OOSP3: variants seen among roughly 807,000 people sequenced by gnomAD.
OOSP3 encodes oocyte secreted protein family member 3.
chr11:59,885,733 G>T (rs1853250133), intron 2 of OOSP3, among the ~76,000 whole-genome samples: 1 of 151,962 alleles, frequency 6.6e-6, no homozygotes, highest in African/African-American at 2.4e-5. Flanking sequence ...ATGGGCATTT[G>T]GGTTGGAAGT....
chr11:59,879,406 A>G (rs1291113486), intron 1 of OOSP3, among the ~76,000 whole-genome samples: 2 of 151,950 alleles, frequency 1.3e-5, no homozygotes, highest in African/African-American at 4.8e-5. Context: ...CTTTTTCCAT[A>G]TTTTACAGTA....
chr11:59,881,839 C>G (rs1416142862), intron 2 of OOSP3, among the ~76,000 whole-genome samples: 1 of 152,028 alleles, frequency 6.6e-6, no homozygotes, highest in Non-Finnish European at 1.5e-5. Flanking sequence ...CTACTGCACT[C>G]CAGTCTGGGC....
chr11:59,895,941 C>G (rs765235895), intron 4 of OOSP3, among the ~76,000 whole-genome samples, 192 bp from the exon 5 acceptor site: 2 of 152,184 alleles, frequency 1.3e-5, no homozygotes, highest in Non-Finnish European at 2.9e-5. Flanking sequence ...TGATAAACCA[C>G]TTACTTTAAA....
exon 2 of OOSP3, chr11:59,880,387 C>A (rs930191444): frequency 5.0e-6 from 2 of 398,310 alleles, no homozygotes; most frequent in Non-Finnish European, 8.8e-6. Flanking sequence ...AATGTAACTG[C>A]GAAGGGATAT....
intron 2 of OOSP3, among the ~76,000 whole-genome samples, chr11:59,881,224 A>G (rs965162712): frequency 1.3e-5 from 2 of 152,114 alleles, no homozygotes; most frequent in African/African-American, 2.4e-5. Context: ...TTAGCCAGGC[A>G]TGGTGGCATG....
At chr11:59,896,393 T>C (rs561867203) in exon 5 of OOSP3, 3 of 377,980 alleles carry the variant, frequency 7.9e-6, no homozygotes, top group South Asian at 1.5e-4. Flanking sequence ...TAGGCCATTA[T>C]ACCCTTGCAT....
intron 2 of OOSP3, among the ~76,000 whole-genome samples, chr11:59,883,172 A>G (rs1030417496): frequency 4.6e-5 from 7 of 152,162 alleles, no homozygotes; most frequent in Non-Finnish European, 8.8e-5. Flanking sequence ...AATGTCTTCA[A>G]TGAAAGGTCT....
intron 2 of OOSP3, among the ~76,000 whole-genome samples, chr11:59,892,377 A>G (rs1000782771): frequency 4.0e-4 from 61 of 151,752 alleles, no homozygotes; most frequent in African/African-American, 1.4e-3. Context: ...CAATAAGAGA[A>G]TCTGGGTACC....
chr11:59,896,029 C>T (rs1020403273), intron 4 of OOSP3, 104 bp from the exon 5 acceptor site: 11 of 396,320 alleles, frequency 2.8e-5, no homozygotes, highest in Middle Eastern at 6.2e-4. Context: ...GTAGGTTCTC[C>T]GTGTTCACTA....
chr11:59,891,987 G>A (rs1442909813), intron 2 of OOSP3, among the ~76,000 whole-genome samples: 1 of 152,192 alleles, frequency 6.6e-6, no homozygotes, highest in African/African-American at 2.4e-5. Context: ...TTGGCTCCCT[G>A]GCTTCAGTTT....
chr11:59,879,782 G>A lies in OOSP3; in HGVS notation c.74-479G>A, dbSNP rs115833917. ...GATCTTCATCTTATTGGCAGGTCTA[G>A]CAGATGCCCCAGGGTACAGTTTCCC... On this transcript the variant is annotated intron_variant, in intron 1 of 4. Coordinates refer to ENST00000646438, the Ensembl canonical transcript of OOSP3. 4.9e-3 allele frequency among the ~76,000 whole-genome samples: 748 copies of A among 152,246 alleles called. 2 individuals are homozygous for A. Among genetic ancestry groups the A allele is most frequent in the African/African-American group, 0.015 (620 of 41,538 alleles).
chr11:59,892,700 T>TA (rs538688800), intron 2 of OOSP3, among the ~76,000 whole-genome samples: 145 of 143,686 alleles, frequency 1.0e-3, no homozygotes, highest in East Asian at 5.7e-3. Context: ...TCAGGAAAAG[T>TA]AAAAAAAAAA....
At chr11:59,882,261 AAG>A (rs1318656492) in intron 2 of OOSP3, among the ~76,000 whole-genome samples, 2 of 131,546 alleles carry the variant, frequency 1.5e-5, no homozygotes, top group African/African-American at 6.5e-5. Context: ...GTTTCTTTTG[AAG>A]ATTTTTTTTT....
At chr11:59,880,132 T>C in intron 1 of OOSP3, 129 bp from the exon 2 acceptor site, 1 of 395,546 alleles carries the variant, frequency 2.5e-6, no homozygotes, top group Non-Finnish European at 4.5e-6. Context: ...GTGATCATAT[T>C]GTATCTCTCA....
chr11:59,890,582 T>G (rs1327308697), intron 2 of OOSP3, among the ~76,000 whole-genome samples: 1 of 152,262 alleles, frequency 6.6e-6, no homozygotes, highest in East Asian at 1.9e-4. Flanking sequence ...AATTCTTGTC[T>G]TTAAAAATGT....
intron 2 of OOSP3, among the ~76,000 whole-genome samples, chr11:59,885,068 G>GT (rs1565219035): frequency 1.3e-5 from 2 of 152,252 alleles, no homozygotes; most frequent in South Asian, 2.1e-4. Context: ...GTTGTGGAGA[G>GT]TTTTTATCAT....
chr11:59,879,511 G>GT (rs574121757), intron 1 of OOSP3, among the ~76,000 whole-genome samples: 18 of 148,316 alleles, frequency 1.2e-4, no homozygotes, highest in African/African-American at 1.5e-4. Flanking sequence ...GTTATTTCTA[G>GT]TTTTTTTTTT....
rs189400958 is a variant in OOSP3 at position 59,881,866 on chromosome 11, G to A, written c.252+1427G>A. On this transcript the variant is annotated intron_variant, in intron 2 of 4. Transcript: ENST00000646438. ...AGTCTGGGCAACAGAGCAAGACTCC[G>A]TCTCAAAAAAATAAATAAATAAATA... 1.9e-4 allele frequency among the ~76,000 whole-genome samples: 29 copies of A among 152,166 alleles called. 1 individual carries two copies. The highest frequency in any genetic ancestry group is 1.6e-3 in the Admixed American group (24 of 15,272).
At chr11:59,889,303 C>T (rs1853289380) in intron 2 of OOSP3, among the ~76,000 whole-genome samples, 1 of 151,328 alleles carries the variant, frequency 6.6e-6, no homozygotes. Flanking sequence ...CTATTTCCTT[C>T]AGTTCTTCTC....
Sources: allele counts gnomAD v4.1 joint callset (sites outside exome capture counted in the v4.1 genomes callset), GRCh38; gene constraint gnomAD v4.1.1; transcripts MANE v1.5; gene names NCBI Gene and HGNC (gene_info 2026-07-23, HGNC 2026-07-21).